Variants in PRTG observed in about 807,000 individuals in gnomAD.
The protein encoded by PRTG is immunoglobulin superfamily, DCC subclass, member 5.
PRTG carries 67 observed loss-of-function variants against 122.5 expected under a neutral mutation model. The ratio of observed to expected loss-of-function variants is 0.55; its 90% CI spans 0.45 to 0.67. The LOEUF (loss-of-function observed/expected upper bound fraction) is 0.67. PRTG is among the 30% of genes least tolerant of loss of function. The pLI is 0.00. For missense variants in PRTG, 1,435 were observed against 1,415.4 expected (o/e 1.01, Z -0.22); for synonymous variants, 554 against 501.1 (o/e 1.11, Z -1.41).
chr15:55,682,121 C>T (rs941708513), intron 4 of PRTG, among the ~76,000 whole-genome samples: 22 of 152,058 alleles, frequency 1.4e-4, no homozygotes, highest in Admixed American at 1.3e-3. Context: ...GAATAGAATA[C>T]CAAAGACTGA....
chr15:55,683,577 C>T (rs1172134112), intron 3 of PRTG, among the ~76,000 whole-genome samples: 2 of 152,176 alleles, frequency 1.3e-5, no homozygotes, highest in African/African-American at 2.4e-5. Flanking sequence ...GTAGGATAAT[C>T]TATTTAAATT....
rs989391072 is a variant in PRTG at position 55,615,711 on chromosome 15, A to G, written c.*4301T>C. ...ATGTGCAGTCTTAGTGACTGTTTCA[A>G]TATAACTGGAGTTTTTTTTTTACAT... On this transcript the variant is annotated 3_prime_UTR_variant, in exon 20 of 20. Transcript: ENST00000389286. The G allele has an allele frequency of 1.3e-5, 2 of 152,100 alleles. No individual in the cohort carries two copies. Among genetic ancestry groups the G allele is most frequent in the African/African-American group, 2.4e-5 (1 of 41,434 alleles). 9.4% of individuals were successfully genotyped at this position (152,100 alleles called of 1,614,324 possible).
chr15:55,680,484 G>C lies in PRTG; in HGVS notation c.814+7C>G, dbSNP rs772395199. 6.4e-6 allele frequency: 10 copies of C among 1,561,102 alleles called. No individual in the cohort carries two copies. The highest frequency in any genetic ancestry group is 8.6e-6 in the Non-Finnish European group (10 of 1,160,632). On this transcript the variant is annotated splice_region_variant and intron_variant, in intron 5 of 19. Transcript: ENST00000389286. ...AGACTTTTTTTTTTTTTCCTGAGAAGACTTACCAAGGCGGCTCCAAGAAAT... is the reference window on the plus strand; with the variant it reads ...AGACTTTTTTTTTTTTTCCTGAGAACACTTACCAAGGCGGCTCCAAGAAAT...
rs529798745 is a variant in PRTG at position 55,635,774 on chromosome 15, T to G, written c.2623+1396A>C. Reference sequence around the variant, plus strand: ...ACATGAACATAAATATCTTTTAAATTTATCTTCTTAATTGGGTAAATATTC... The same window carrying G: ...ACATGAACATAAATATCTTTTAAATGTATCTTCTTAATTGGGTAAATATTC... On this transcript the variant is annotated intron_variant, in intron 15 of 19. Coordinates refer to ENST00000389286, the MANE Select transcript of PRTG (RefSeq NM_173814.6). Among the ~76,000 whole-genome samples the G allele has an allele frequency of 5.6e-4, 86 of 152,270 alleles. 1 individual carries two copies. The highest frequency in any genetic ancestry group is 3.1e-3 in the South Asian group (15 of 4,824).
chr15:55,733,670 T>A (rs2031313740), intron 2 of PRTG, among the ~76,000 whole-genome samples: 1 of 151,872 alleles, frequency 6.6e-6, no homozygotes, highest in African/African-American at 2.4e-5. Flanking sequence ...CTACAAAAAA[T>A]TTAAAAATTA....
At chr15:55,638,962 AT>A (rs571210627) in intron 13 of PRTG, among the ~76,000 whole-genome samples, 2,371 of 149,138 alleles carry the variant, frequency 0.016, 57 homozygotes, top group African/African-American at 0.058. Context: ...CAAATCATTC[AT>A]TCATTCATTC....
chr15:55,674,571 G>T (rs1230371810), intron 9 of PRTG, among the ~76,000 whole-genome samples: 1 of 152,086 alleles, frequency 6.6e-6, no homozygotes, highest in Admixed American at 6.6e-5. Context: ...GCTCTTCAAT[G>T]AAAACTAAAA....
intron 2 of PRTG, among the ~76,000 whole-genome samples, chr15:55,708,169 A>AC (rs2030220512): frequency 7.3e-6 from 1 of 137,108 alleles, no homozygotes; most frequent in Non-Finnish European, 1.6e-5. Context: ...AAAAAAAAAA[A>AC]AAAAAAAACA....
chr15:55,635,071 CTGGG>C lies in PRTG; in HGVS notation c.2623+2095_2623+2098del, dbSNP rs1382841498. ...ACTGGGGAGCCCTCTGTTGTTGGTT[CTGGG>C]TGTGTGTGTGTGTGTGTGTGTGTGT... On this transcript the variant is annotated intron_variant, in intron 15 of 19. Transcript: ENST00000389286. Among the ~76,000 whole-genome samples, 26 of 31,600 alleles carry C rather than the reference CTGGG, an allele frequency of 8.2e-4. No individual in the cohort carries two copies. The East Asian group carries it at 0.087, about 106-fold the overall frequency. 20.7% of individuals were successfully genotyped at this position (31,600 alleles called of 152,430 possible). A position where few individuals can be genotyped will look rare whatever the true frequency, so the allele number is the denominator to read the frequency against.
intron 2 of PRTG, among the ~76,000 whole-genome samples, chr15:55,699,414 T>G (rs1242389382): frequency 2.6e-5 from 4 of 152,184 alleles, no homozygotes; most frequent in Non-Finnish European, 5.9e-5. Context: ...TCAATGAACC[T>G]AAAAGTCATA....
At position 55,679,306 on chromosome 15, in the gene PRTG, A is replaced by G. The variant is rs762786671; in HGVS notation, c.1113T>C (p.Gly371=). ...CCTACCTGTTGTACATTTTAATTCT[A>G]CCATTCGAATGTATCTTCCTTCCAT... ...LKNGRKIHSN[G]RIKMYNSKLV... The change falls in exon 7 of 20, where the codon GGT becomes GGC. Residue 371 remains glycine, a synonymous_variant. Transcript: ENST00000389286. 6.2e-7 allele frequency: 1 copy of G among 1,612,280 alleles called. No homozygotes were observed. Among genetic ancestry groups the G allele is most frequent in the Non-Finnish European group, 8.5e-7 (1 of 1,178,508 alleles).
intron 2 of PRTG, among the ~76,000 whole-genome samples, chr15:55,732,139 T>C (rs2031254480): frequency 6.6e-6 from 1 of 152,240 alleles, no homozygotes; most frequent in African/African-American, 2.4e-5. Flanking sequence ...TGTCATAATA[T>C]GTGGTCCATT....
intron 11 of PRTG, 79 bp from the exon 12 acceptor site, chr15:55,641,287 T>C (rs2059289153): frequency 1.8e-6 from 2 of 1,097,424 alleles, no homozygotes. Context: ...CCTTTATAGA[T>C]TTTGGTTTAA....
chr15:55,725,958 T>C (rs2031015000), intron 2 of PRTG, among the ~76,000 whole-genome samples: 1 of 151,882 alleles, frequency 6.6e-6, no homozygotes, highest in Non-Finnish European at 1.5e-5. Flanking sequence ...TTTTGTTTTG[T>C]TTTTGAGACA....
intron 11 of PRTG, among the ~76,000 whole-genome samples, chr15:55,642,582 A>C (rs1431971319): frequency 1.4e-5 from 2 of 144,666 alleles, no homozygotes; most frequent in Non-Finnish European, 3.0e-5. Context: ...TGGGTAACAG[A>C]GCAAAACTCC....
chr15:55,662,398 A>T (rs1041621435), intron 11 of PRTG, among the ~76,000 whole-genome samples: 2 of 152,220 alleles, frequency 1.3e-5, no homozygotes, highest in African/African-American at 4.8e-5. Context: ...AAAAAAGTTT[A>T]AAAAAGGTTT....
intron 15 of PRTG, among the ~76,000 whole-genome samples, chr15:55,631,202 T>C (rs976785181): frequency 6.6e-6 from 1 of 152,142 alleles, no homozygotes; most frequent in Non-Finnish European, 1.5e-5. Flanking sequence ...GGAAGAGTCT[T>C]TCCACTGTTG....
chr15:55,713,544 G>C (rs1352680088), intron 2 of PRTG, among the ~76,000 whole-genome samples: 10 of 152,246 alleles, frequency 6.6e-5, no homozygotes, highest in Non-Finnish European at 1.2e-4. Context: ...CTCTAAAATA[G>C]TTCCACCAGT....
At chr15:55,685,687 T>C (rs2059566516) in intron 2 of PRTG, among the ~76,000 whole-genome samples, 1 of 152,234 alleles carries the variant, frequency 6.6e-6, no homozygotes, top group African/African-American at 2.4e-5. Context: ...ATAAATGTTT[T>C]CATTCTAAAA....
Sources: allele counts gnomAD v4.1 joint callset (sites outside exome capture counted in the v4.1 genomes callset), GRCh38; gene constraint gnomAD v4.1.1; transcripts MANE v1.5; gene names NCBI Gene and HGNC (gene_info 2026-07-23, HGNC 2026-07-21).